Variants in ITPR2 observed in about 807,000 individuals in gnomAD.
ITPR2 encodes inositol 1,4,5-trisphosphate-gated calcium channel ITPR2.
Under a neutral mutation model 317.1 loss-of-function variants are expected in ITPR2, and 207 were observed. That is an observed-to-expected ratio of 0.65 (90% CI 0.58 to 0.73). The LOEUF (loss-of-function observed/expected upper bound fraction) is 0.73. ITPR2 is among the 30% of genes least tolerant of loss of function. ITPR2 has a pLI of 0.00. For missense variants in ITPR2, 2,613 were observed against 3,284.0 expected, an observed-to-expected ratio of 0.80 and a Z score of 4.99; for synonymous variants, 1,156 against 1,149.1, an observed-to-expected ratio of 1.01 and a Z score of -0.12.
chr12:26,621,338 T>C (rs1341072467), intron 25 of ITPR2, 42 bp from the exon 26 acceptor site: 1 of 1,459,376 alleles, frequency 6.9e-7, no homozygotes. Context: ...GTTCACTATT[T>C]CTAGAATATT....
chr12:26,398,385 T>C (rs746462850), intron 54 of ITPR2, among the ~76,000 whole-genome samples: 2 of 152,190 alleles, frequency 1.3e-5, no homozygotes, highest in Admixed American at 6.5e-5. Flanking sequence ...ATCGTGCCAC[T>C]GCACTCCAGC....
intron 33 of ITPR2, among the ~76,000 whole-genome samples, 188 bp downstream of exon 33, chr12:26,579,839 A>G (rs1945355954): frequency 6.6e-6 from 1 of 152,168 alleles, no homozygotes; most frequent in East Asian, 1.9e-4. Context: ...AAATAATTCA[A>G]TTTAAAGATG....
At chr12:26,701,789 A>G (rs1948450372) in intron 9 of ITPR2, among the ~76,000 whole-genome samples, 1 of 152,218 alleles carries the variant, frequency 6.6e-6, no homozygotes, top group Non-Finnish European at 1.5e-5. Context: ...TAGTCAGGAA[A>G]TAAGTGTTTA....
intron 28 of ITPR2, 86 bp from the exon 29 acceptor site, chr12:26,600,195 A>C: frequency 8.6e-7 from 1 of 1,164,194 alleles, no homozygotes; most frequent in Admixed American, 2.0e-5. Flanking sequence ...CCCACATACC[A>C]TTTTTCTCTC....
intron 45 of ITPR2, among the ~76,000 whole-genome samples, chr12:26,460,336 G>A (rs950825119): frequency 1.3e-5 from 2 of 152,208 alleles, no homozygotes; most frequent in African/African-American, 4.8e-5. Flanking sequence ...AGAAGTGCAC[G>A]CCCATGGAGG....
At chr12:26,686,834 A>T (rs1050748457) in intron 10 of ITPR2, among the ~76,000 whole-genome samples, 2 of 152,198 alleles carry the variant, frequency 1.3e-5, no homozygotes, top group African/African-American at 2.4e-5. Context: ...CCACACTCCT[A>T]GGGCGGGGTG....
chr12:26,732,445 C>G (rs370092085), intron 2 of ITPR2, among the ~76,000 whole-genome samples: 1 of 152,182 alleles, frequency 6.6e-6, no homozygotes, highest in African/African-American at 2.4e-5. Flanking sequence ...TGACAAGTGA[C>G]TGCCTGACCT....
intron 49 of ITPR2, among the ~76,000 whole-genome samples, chr12:26,423,216 G>C (rs900660421): frequency 6.6e-6 from 1 of 152,260 alleles, no homozygotes. Flanking sequence ...GAGAGAGAGA[G>C]AGAAAATGAA....
intron 26 of ITPR2, among the ~76,000 whole-genome samples, chr12:26,604,114 C>T (rs1946065421): frequency 6.6e-6 from 1 of 152,146 alleles, no homozygotes; most frequent in South Asian, 2.1e-4. Flanking sequence ...CAGGACAAAT[C>T]ACAAAATTAA....
At chr12:26,400,419 TA>T (rs1304956797) in intron 52 of ITPR2, among the ~76,000 whole-genome samples, 161 bp from the exon 53 acceptor site, 2 of 151,944 alleles carry the variant, frequency 1.3e-5, no homozygotes, top group Non-Finnish European at 2.9e-5. Flanking sequence ...TAAATATACC[TA>T]AATATACATA....
In ITPR2 at chr12:26,400,224, C is replaced by T. The variant is rs1179094554; in HGVS notation, c.7434G>A (p.Thr2478=). 6.3e-6 allele frequency: 10 copies of T among 1,593,164 alleles called. No homozygotes were observed. Among genetic ancestry groups the T allele is most frequent in the African/African-American group, 1.3e-5 (1 of 74,676 alleles). ...CAATGCACATAAGGAGAGTGTCACA[C>T]GTCCTTTCAATTCCATCTTCATACT... ...DEEYEDGIER[T]CDTLLMCIVT... Residue 2478 remains threonine (T), a synonymous_variant, in exon 53 of 57, where the codon ACG becomes ACA. Coordinates refer to ENST00000381340, the MANE Select transcript of ITPR2 (RefSeq NM_002223.4).
At chr12:26,758,094 G>A (rs1949559756) in intron 2 of ITPR2, among the ~76,000 whole-genome samples, 1 of 152,104 alleles carries the variant, frequency 6.6e-6, no homozygotes, top group African/African-American at 2.4e-5. Context: ...TTCCCTCCAT[G>A]TAGCTTCTCC....
intron 2 of ITPR2, among the ~76,000 whole-genome samples, chr12:26,758,448 G>A (rs868823200): frequency 3.2e-4 from 48 of 152,292 alleles, no homozygotes; most frequent in Middle Eastern, 3.4e-3. Flanking sequence ...GATTAATGGG[G>A]AGAAAACAGG....
intron 48 of ITPR2, among the ~76,000 whole-genome samples, 195 bp downstream of exon 48, chr12:26,436,026 T>G (rs958277533): frequency 6.6e-6 from 1 of 152,202 alleles, no homozygotes; most frequent in Admixed American, 6.5e-5. Flanking sequence ...ATAACAATTG[T>G]GTATATGAGC....
At chr12:26,497,301 C>T (rs1942958317) in intron 37 of ITPR2, among the ~76,000 whole-genome samples, 1 of 151,566 alleles carries the variant, frequency 6.6e-6, no homozygotes, top group African/African-American at 2.4e-5. Context: ...CAACAGGTGC[C>T]CGCCACCACA....
chr12:26,436,523 G>A (rs1362508896), intron 47 of ITPR2, among the ~76,000 whole-genome samples, 177 bp from the exon 48 acceptor site: 1 of 152,116 alleles, frequency 6.6e-6, no homozygotes, highest in Non-Finnish European at 1.5e-5. Flanking sequence ...AACCATAAAG[G>A]AGTGAAATTT....
At chr12:26,607,575 T>A (rs1270970272) in intron 26 of ITPR2, among the ~76,000 whole-genome samples, 2 of 152,122 alleles carry the variant, frequency 1.3e-5, no homozygotes, top group African/African-American at 4.8e-5. Context: ...TGGTTGTCGG[T>A]TTCTGCTTCC....
chr12:26,384,217 TAGG>T (rs981004214), intron 55 of ITPR2, among the ~76,000 whole-genome samples: 8 of 152,314 alleles, frequency 5.3e-5, no homozygotes, highest in African/African-American at 1.7e-4. Context: ...TCTCTCTCTC[TAGG>T]AGGATAGTCA....
intron 30 of ITPR2, 81 bp downstream of exon 30, chr12:26,599,064 G>T: frequency 8.2e-7 from 1 of 1,219,584 alleles, no homozygotes; most frequent in Non-Finnish European, 1.2e-6. Flanking sequence ...ATGTTGTTGG[G>T]GGCTTTTTCA....
Sources: gnomAD v4.1 joint callset for allele counts (sites outside exome capture counted in the v4.1 genomes callset) on GRCh38, gnomAD v4.1.1 for gene constraint, MANE v1.5 for transcripts, NCBI Gene and HGNC (gene_info 2026-07-23, HGNC 2026-07-21) for gene names.